IL2RB: variants seen among roughly 807,000 people sequenced by gnomAD.
The protein encoded by IL2RB is interleukin 2 receptor subunit beta, also known as interleukin-2 receptor subunit beta.
In IL2RB, 17 loss-of-function variants were observed where a neutral mutation model predicts 44.2. That is an observed-to-expected ratio of 0.38 (90% CI 0.26 to 0.58). The LOEUF is 0.58. IL2RB is among the 20% of genes least tolerant of loss of function. IL2RB has a pLI of 0.63. For synonymous variants in IL2RB, 286 were observed against 297.9 expected (o/e 0.96, Z 0.41); for missense variants, 624 against 685.5 (o/e 0.91, Z 1.00).
At chr22:37,146,291 C>T (rs1190022474) in intron 1 of IL2RB, among the ~76,000 whole-genome samples, 1 of 152,174 alleles carries the variant, frequency 6.6e-6, no homozygotes, top group Non-Finnish European at 1.5e-5. Flanking sequence ...CACCCACATC[C>T]CTGCCCAGGA....
In IL2RB at chr22:37,141,349, C is replaced by G. The variant is rs1601601604; in HGVS notation, c.282+1085G>C. On this transcript the variant is annotated intron_variant, in intron 4 of 9. Coordinates refer to ENST00000216223, the MANE Select transcript of IL2RB (RefSeq NM_000878.5). The surrounding 1 kb of genome is among the most constrained non-coding windows in gnomAD (Gnocchi z 4.4). ...CTGTGGACCCAGGCATCCCTGCACT[C>G]TCAGGGTCTGGGAAGATCCCCCCTT... 6.6e-6 allele frequency among the ~76,000 whole-genome samples: 1 copy of G among 152,344 alleles called. No homozygotes were observed.
At position 37,132,569 on chromosome 22, in the gene IL2RB, C is replaced by G. The variant is rs565763379; in HGVS notation, c.819-101G>C. On this transcript the variant is annotated intron_variant, in intron 8 of 9. Transcript: ENST00000216223. ...TCTGGATGCCAGGCACGGAGCCGCACCACATTTACTTATGTATTTCTTCCG... is the reference window on the plus strand; with the variant it reads ...TCTGGATGCCAGGCACGGAGCCGCAGCACATTTACTTATGTATTTCTTCCG... 3 of 760,174 alleles carry G rather than the reference C, an allele frequency of 3.9e-6. No homozygotes were observed. In the South Asian group the frequency reaches 5.0e-5, roughly 13 times the overall value. The allele number at this position is 760,174 out of a possible 1,614,324, so 47.1% of individuals were successfully genotyped here. A position where few individuals can be genotyped will look rare whatever the true frequency, so the allele number is the denominator to read the frequency against.
intron 5 of IL2RB, among the ~76,000 whole-genome samples, chr22:37,138,877 A>G (rs1046744808): frequency 1.3e-5 from 2 of 152,196 alleles, no homozygotes; most frequent in African/African-American, 4.8e-5. Flanking sequence ...TGGCTGTAGC[A>G]GAAATATAGG....
intron 3 of IL2RB, 188 bp from the exon 4 acceptor site, chr22:37,142,700 C>A: frequency 2.8e-6 from 2 of 715,872 alleles, no homozygotes; most frequent in Middle Eastern, 2.3e-4. Flanking sequence ...CCCTCATGGG[C>A]ACCTTGTCCT....
chr22:37,164,458 C>T (rs905148733), intron 1 of IL2RB, among the ~76,000 whole-genome samples: 4 of 93,312 alleles, frequency 4.3e-5, no homozygotes, highest in Non-Finnish European at 4.3e-5. Flanking sequence ...AGCAGTGTGG[C>T]AGGAGTGAGG....
chr22:37,145,582 G>A (rs1291320879), intron 1 of IL2RB, among the ~76,000 whole-genome samples: 1 of 152,094 alleles, frequency 6.6e-6, no homozygotes, highest in Non-Finnish European at 1.5e-5. Context: ...GGAGGGGAAT[G>A]AGAAAGTGAG....
rs747101668 is a variant in IL2RB, at chr22:37,128,506, C to T, written c.1246G>A (p.Asp416Asn). The stretch of plus-strand genomic sequence containing the variant: ...CTGGAGGGGAAGGTGCAGTAGGCGT[C>T]GTCCTCCCCTGACAGAGGCTGCAGG... ...QPLQPLSGED[D>N]AYCTFPSRDD... Residue 416 changes from aspartate (D) to asparagine (N), a missense_variant, in exon 10 of 10, where the codon GAC becomes AAC. Asp to Asn is a conservative substitution (Grantham distance 23). This residue lies in a region of IL2RB where 291 missense variants were observed against 275.5 expected (regional missense o/e 1.06). Transcript: ENST00000216223. This position sits in a 1 kb window ranked among gnomAD's most constrained non-coding sequence, Gnocchi z 4.5. 2.5e-6 allele frequency: 4 copies of T among 1,609,836 alleles called. No homozygotes were observed. Among genetic ancestry groups the T allele is most frequent in the South Asian group, 1.1e-5 (1 of 90,956 alleles).
chr22:37,153,511 A>T (rs139829847), upstream of IL2RB, among the ~76,000 whole-genome samples: 1 of 152,258 alleles, frequency 6.6e-6, no homozygotes, highest in Admixed American at 6.5e-5. Context: ...TAATGTGACC[A>T]CGCACTGCAG....
Position 37,164,371 on chromosome 22 carries a change from C to T in IL2RB, c.-34+10587G>A, listed in dbSNP as rs78113718. Among the ~76,000 whole-genome samples the T allele has an allele frequency of 1.5e-3, 233 of 152,020 alleles. 1 individual carries two copies. Among genetic ancestry groups the T allele is most frequent in the Non-Finnish European group, 2.7e-3 (183 of 67,960 alleles). ...GCTTTGATCGGGAGGATGTGGTCAGCGGCTTCAGGCCTGTGGTTTGAGCCC... is the reference window on the plus strand; with the variant it reads ...GCTTTGATCGGGAGGATGTGGTCAGTGGCTTCAGGCCTGTGGTTTGAGCCC... On this transcript the variant is annotated intron_variant, in intron 1 of 5. Transcript: ENST00000429622.
intron 1 of IL2RB, among the ~76,000 whole-genome samples, chr22:37,146,430 G>GCA (rs1207337044): frequency 1.3e-5 from 2 of 152,186 alleles, no homozygotes; most frequent in Admixed American, 6.5e-5. Context: ...CCAGGCCAAA[G>GCA]CACACACACA....
At chr22:37,144,335 C>T in intron 1 of IL2RB, 130 bp from the exon 2 acceptor site, 1 of 1,203,688 alleles carries the variant, frequency 8.3e-7, no homozygotes, top group Non-Finnish European at 1.1e-6. Flanking sequence ...CAGTCCAGCC[C>T]CAGGGCCTTT....
intron 1 of IL2RB, among the ~76,000 whole-genome samples, chr22:37,171,124 C>T (rs1332146501): frequency 6.6e-6 from 1 of 152,164 alleles, no homozygotes; most frequent in Non-Finnish European, 1.5e-5. Context: ...GCTGGGACTA[C>T]AGGCGCGGCC....
chr22:37,132,999 C>T (rs769962992), intron 8 of IL2RB, among the ~76,000 whole-genome samples: 3 of 152,212 alleles, frequency 2.0e-5, no homozygotes, highest in Non-Finnish European at 4.4e-5. Flanking sequence ...CCATGTTCTG[C>T]TTGCTAAGCT....
In IL2RB at chr22:37,141,474, T is replaced by C. The variant is rs228966; in HGVS notation, c.282+960A>G. 0.51 allele frequency among the ~76,000 whole-genome samples: 77,518 copies of C among 151,880 alleles called. 20,793 individuals are homozygous for C. The highest frequency in any genetic ancestry group is 0.68 in the African/African-American group (28,008 of 41,430). ...GAGGCACAGTCGGGGCTACGCACTC[T>C]GTGGATCCAGTGTGAGTCGGGGACA... On this transcript the variant is annotated intron_variant, in intron 4 of 9. Coordinates refer to ENST00000216223, the MANE Select transcript of IL2RB (RefSeq NM_000878.5). This position sits in a 1 kb window ranked among gnomAD's most constrained non-coding sequence, Gnocchi z 4.4.
At chr22:37,134,996 G>A (rs3218307) in intron 8 of IL2RB, among the ~76,000 whole-genome samples, 2,847 of 152,234 alleles carry the variant, frequency 0.019, 101 homozygotes, top group African/African-American at 0.065. Context: ...CCAGTCCTGA[G>A]AGCAGTGTTC....
intron 6 of IL2RB, among the ~76,000 whole-genome samples, chr22:37,136,604 CAGA>C (rs1461934276): frequency 2.0e-5 from 3 of 152,060 alleles, no homozygotes; most frequent in Non-Finnish European, 2.9e-5. Flanking sequence ...GTTCCACCTC[CAGA>C]ACCTGGTTCC....
chr22:37,136,904 G>A (rs551839240), intron 6 of IL2RB, among the ~76,000 whole-genome samples: 19 of 152,326 alleles, frequency 1.2e-4, no homozygotes, highest in African/African-American at 3.4e-4. Context: ...TTGCAGGTCA[G>A]CTCCTTCTGG....
intron 9 of IL2RB, among the ~76,000 whole-genome samples, chr22:37,131,219 C>A (rs904298105): frequency 1.3e-5 from 2 of 152,256 alleles, no homozygotes; most frequent in South Asian, 4.1e-4. Flanking sequence ...AAGATATTCT[C>A]ATCTTGGGAG....
intron 1 of IL2RB, among the ~76,000 whole-genome samples, chr22:37,147,912 A>C (rs1449014647): frequency 6.6e-6 from 1 of 152,220 alleles, no homozygotes; most frequent in Non-Finnish European, 1.5e-5. Context: ...CATAGCCCCT[A>C]TGCCCCTTCA....
Sources: gnomAD v4.1 joint callset for allele counts (sites outside exome capture counted in the v4.1 genomes callset) on GRCh38, gnomAD v4.1.1 for gene constraint, gnomAD v4.1.1 regional missense constraint, Gnocchi (gnomAD v3.1) non-coding constraint, MANE v1.5 for transcripts, NCBI Gene and HGNC (gene_info 2026-07-23, HGNC 2026-07-21) for gene names.